Variants in AHNAK2 observed in about 807,000 individuals in gnomAD.
The protein encoded by AHNAK2 is AHNAK nucleoprotein 2.
AHNAK2 carries 18 observed loss-of-function variants against 30.7 expected under a neutral mutation model. The ratio of observed to expected loss-of-function variants is 0.59; its 90% CI spans 0.41 to 0.87. The LOEUF is 0.87. Ranked by LOEUF, AHNAK2 falls within the 40% of genes least tolerant of loss-of-function variation. AHNAK2 has a pLI of 0.00. For synonymous variants in AHNAK2, 3,590 were observed against 3,073.8 expected (o/e 1.17, Z -5.56); for missense variants, 8,604 against 7,373.0 (o/e 1.17, Z -6.11).
In AHNAK2 at chr14:104,948,956, C is replaced by A. The variant is rs57414669; in HGVS notation, c.6495G>T (p.Val2165=). 1.7e-5 allele frequency: 21 copies of A among 1,238,602 alleles called. 1 individual carries two copies. The highest frequency in any genetic ancestry group is 1.3e-4 in the African/African-American group (9 of 68,526). 76.7% of individuals were successfully genotyped at this position (1,238,602 alleles called of 1,614,324 possible). Residue 2165 remains valine (V), a synonymous_variant, in exon 7 of 7, where the codon GTG becomes GTT. Transcript: ENST00000333244. ...MPKFKMPSFG[V]SAPGKSIEAS... ...CCTCGATGGACTTGCCTGGGGCAGA[C>A]ACCCCAAACGACGGCATCTTGAACT...
chr14:104,957,615 G>A lies in AHNAK2; in HGVS notation c.113C>T (p.Ser38Phe). The change falls in exon 2 of 7, where the codon TCT (serine) becomes TTT (phenylalanine). Residue 38 changes from serine to phenylalanine, a missense_variant and splice_region_variant. Ser to Phe is a radical substitution (Grantham distance 155). Transcript: ENST00000333244. Reference sequence around the variant, plus strand: ...ACACTTCCTCCTGCTCTCACTTACAGAGTGGTCATCTTCCGTTTCTGCACC... The same window carrying A: ...ACACTTCCTCCTGCTCTCACTTACAAAGTGGTCATCTTCCGTTTCTGCACC... ...EPGAETEDDH[S>F]VTEGPADEGI... 3 of 1,610,946 alleles carry A rather than the reference G, an allele frequency of 1.9e-6. No homozygotes were observed. In the South Asian group the frequency reaches 3.3e-5, roughly 18 times the overall value.
chr14:104,950,247 G>C lies in AHNAK2; in HGVS notation c.5204C>G (p.Ala1735Gly), dbSNP rs1280340244. The change falls in exon 7 of 7, where the codon GCC becomes GGC. Residue 1735 changes from alanine (A) to glycine (G), a missense_variant. By Grantham distance (60) the Ala-to-Gly change is moderately conservative (BLOSUM62 0). Coordinates refer to ENST00000333244, the MANE Select transcript of AHNAK2 (RefSeq NM_138420.4). ...KLPEGPLPEG[A>G]GFKGHLPKVQ... is the part of the protein sequence containing the mutation. ...CTTGGGGAGGTGCCCTTTGAAGCCG[G>C]CTCCCTCGGGAAGGGGGCCCTCCGG... 1.3e-6 allele frequency: 2 copies of C among 1,585,720 alleles called. No individual in the cohort carries two copies. Among genetic ancestry groups the C allele is most frequent in the South Asian group, 1.1e-5 (1 of 89,792 alleles).
chr14:104,949,265 G>A lies in AHNAK2; in HGVS notation c.6186C>T (p.Pro2062=), dbSNP rs547642658. Reference sequence around the variant, plus strand: ...GGTGCCCTTTGAGGCCAGCTCCCTCGGGCACGTGGCCCTCCGGGAGCTTCA... The same window carrying A: ...GGTGCCCTTTGAGGCCAGCTCCCTCAGGCACGTGGCCCTCCGGGAGCTTCA... The part of the protein sequence containing the change: ...VDVKLPEGHV[P]EGAGLKGHLP... Residue 2062 remains proline (P), a synonymous_variant, in exon 7 of 7, where the codon CCC becomes CCT. Coordinates refer to ENST00000333244, the MANE Select transcript of AHNAK2 (RefSeq NM_138420.4). 1.1e-4 allele frequency: 115 copies of A among 1,066,180 alleles called. 45 individuals are homozygous for A. The highest frequency in any genetic ancestry group is 1.7e-4 in the Admixed American group (8 of 46,614). The allele number at this position is 1,066,180 out of a possible 1,614,324, so 66.0% of individuals were successfully genotyped here.
At chr14:104,957,375 C>G in intron 3 of AHNAK2, 35 bp downstream of exon 3, 1 of 1,540,392 alleles carries the variant, frequency 6.5e-7, no homozygotes. Context: ...AGGAGGAGAC[C>G]TGGGTGCCTG....
chr14:104,950,845 G>A lies in AHNAK2; in HGVS notation c.4606C>T (p.Leu1536Phe), dbSNP rs1898653463. The A allele has an allele frequency of 6.3e-7, 1 of 1,585,262 alleles. No homozygotes were observed. Among genetic ancestry groups the A allele is most frequent in the Non-Finnish European group, 8.6e-7 (1 of 1,161,226 alleles). Residue 1536 changes from leucine to phenylalanine, a missense_variant, in exon 7 of 7, where the codon CTC becomes TTC. Transcript: ENST00000333244. ...DVSLPSMQGD[L>F]KATDLSIQPP... Reference sequence around the variant, plus strand: ...TGTATGCTCAGGTCAGTGGCCTTGAGGTCCCCCTGCATGGAGGGGAGGCTC... The same window carrying A: ...TGTATGCTCAGGTCAGTGGCCTTGAAGTCCCCCTGCATGGAGGGGAGGCTC...
intron 1 of AHNAK2, among the ~76,000 whole-genome samples, chr14:104,958,217 G>T (rs1421810599): frequency 1.3e-5 from 2 of 152,194 alleles, no homozygotes; most frequent in African/African-American, 4.8e-5. Context: ...GGGAGGCTGA[G>T]GCGGGTGGAT....
rs748258992 is a variant in AHNAK2, at chr14:104,944,117, G to A, written c.11334C>T (p.Ala3778=). The A allele has an allele frequency of 6.2e-7, 1 of 1,612,694 alleles. No homozygotes were observed. Among genetic ancestry groups the A allele is most frequent in the African/African-American group, 1.3e-5 (1 of 74,564 alleles). The part of the protein sequence containing the change: ...SVEVDVQAPR[A]KLDSAQLEGD... ...CCTCCAGCTGTGCACTATCCAGTTT[G>A]GCTCTTGGGGCCTGGACGTCCACCT... The change falls in exon 7 of 7, where the codon GCC becomes GCT. Residue 3778 remains alanine, a synonymous_variant. Transcript: ENST00000333244.
chr14:104,941,953 G>A lies in AHNAK2; in HGVS notation c.13498C>T (p.Pro4500Ser), dbSNP rs769460950. ...APKMEADMSIPSMQGDLKTTD... is the reference protein window; with the variant it reads ...APKMEADMSISSMQGDLKTTD... ...GTCTTGAGGTCCCCCTGCATGGAGG[G>A]AATGCTCATGTCGGCCTCCATCTTT... The change falls in exon 7 of 7, where the codon CCC (proline) becomes TCC (serine). Residue 4500 changes from proline (P) to serine (S), a missense_variant. Coordinates refer to ENST00000333244, the MANE Select transcript of AHNAK2 (RefSeq NM_138420.4). The A allele has an allele frequency of 1.2e-5, 19 of 1,613,474 alleles. No individual in the cohort carries two copies. The African/African-American group carries it at 1.9e-4, about 16-fold the overall frequency.
chr14:104,939,348 A>G lies in AHNAK2; in HGVS notation c.16103T>C (p.Ile5368Thr). The G allele has an allele frequency of 6.2e-7, 1 of 1,613,664 alleles. No individual in the cohort carries two copies. The highest frequency in any genetic ancestry group is 8.5e-7 in the Non-Finnish European group (1 of 1,179,836). ...CAGTTGATCCACATTAACCACAGAAATCTGGGATGGCATATCAGTACTTGA... is the reference window on the plus strand; with the variant it reads ...CAGTTGATCCACATTAACCACAGAAGTCTGGGATGGCATATCAGTACTTGA... ...KASSTDMPSQ[I>T]SVVNVDQLWE... Residue 5368 changes from isoleucine (I) to threonine (T), a missense_variant, in exon 7 of 7, where the codon ATT becomes ACT. Ile to Thr is a moderately conservative substitution (Grantham distance 89). Transcript: ENST00000333244.
rs1286760828 is a variant in AHNAK2 at position 104,947,700 on chromosome 14, G to A, written c.7751C>T (p.Pro2584Leu). Residue 2584 changes from proline (P) to leucine (L), a missense_variant, in exon 7 of 7, where the codon CCC becomes CTC. Physicochemically the swap from Pro to Leu is moderately conservative, Grantham distance 98. Coordinates refer to ENST00000333244, the MANE Select transcript of AHNAK2 (RefSeq NM_138420.4). ...FKMPEMDLKGPQLDVKGPKLD... is the reference protein window; with the variant it reads ...FKMPEMDLKGLQLDVKGPKLD... ...CTTGGGGCCCTTGACATCTAGCTGG[G>A]GGCCCTTGAGGTCCATTTCAGGCAT... The A allele has an allele frequency of 3.7e-6, 6 of 1,612,688 alleles. No homozygotes were observed. Among genetic ancestry groups the A allele is most frequent in the African/African-American group, 1.3e-5 (1 of 74,450 alleles).
In AHNAK2 at chr14:104,950,572, C is replaced by G; in HGVS notation, c.4879G>C (p.Asp1627His). The change falls in exon 7 of 7, where the codon GAC becomes CAC. Residue 1627 changes from aspartate (D) to histidine (H), a missense_variant. Transcript: ENST00000333244. ...VKMSLSSMEV[D>H]VQAPRAKLDG... The stretch of plus-strand genomic sequence containing the variant: ...AGCTTTGCTCTCGGGGCCTGGACGT[C>G]CACCTCCATGCTGGACAGAGACATC... 2.5e-6 allele frequency: 4 copies of G among 1,587,184 alleles called. 1 individual carries two copies. Among genetic ancestry groups the G allele is most frequent in the South Asian group, 2.2e-5 (2 of 89,648 alleles).
chr14:104,956,550 G>A (rs1346160663), intron 4 of AHNAK2, 38 bp downstream of exon 4: 11 of 1,603,204 alleles, frequency 6.9e-6, no homozygotes, highest in African/African-American at 4.0e-5. Flanking sequence ...CTTGAGGACC[G>A]ACACACCTCT....
chr14:104,963,833 AAAAAAAAG>A (rs1197260789), intron 1 of AHNAK2, among the ~76,000 whole-genome samples: 50 of 151,456 alleles, frequency 3.3e-4, no homozygotes, highest in African/African-American at 1.1e-3. Flanking sequence ...CCGTCTAAAA[AAAAAAAAG>A]AAAAAAAAAA....
In AHNAK2 at chr14:104,938,829, T is replaced by C. The variant is rs754657674; in HGVS notation, c.16622A>G (p.His5541Arg). The C allele has an allele frequency of 5.6e-6, 9 of 1,613,658 alleles. No individual in the cohort carries two copies. The highest frequency in any genetic ancestry group is 7.6e-6 in the Non-Finnish European group (9 of 1,179,846). ...TTCTGTGCCCTCCTGAGTCCTAGAG[T>C]GTTGAGTCATTGTTGTGTACACTCT... ...QARVYTTMTQ[H>R]SRTQEGTEEA... The change falls in exon 7 of 7, where the codon CAC (histidine) becomes CGC (arginine). Residue 5541 changes from histidine (H) to arginine (R), a missense_variant. Physicochemically the swap from His to Arg is conservative, Grantham distance 29. Coordinates refer to ENST00000333244, the MANE Select transcript of AHNAK2 (RefSeq NM_138420.4).
Position 104,952,076 on chromosome 14 carries a change from A to C in AHNAK2, c.3375T>G (p.Ser1125=), listed in dbSNP as rs778891276. ...CGACGTCCACCTCCACGCTGGGCAG[A>C]GACACCTCCACATCAGGGGCTGTGA... ...AEVTAPDVEV[S]LPSVEVDVEA... is the part of the protein sequence containing the mutation. The change falls in exon 7 of 7, where the codon TCT becomes TCG. Residue 1125 remains serine, a synonymous_variant. Transcript: ENST00000333244. The C allele has an allele frequency of 1.2e-5, 20 of 1,612,470 alleles. No individual in the cohort carries two copies. The highest frequency in any genetic ancestry group is 1.6e-5 in the Non-Finnish European group (19 of 1,179,508).
rs146582718 is a variant in AHNAK2 at position 104,951,166 on chromosome 14, G to T, written c.4285C>A (p.Pro1429Thr). Reference protein sequence around the residue: ...FKVPKVDLKGPEIDIKGPKLD... With the variant: ...FKVPKVDLKGTEIDIKGPKLD... ...TTGGGGCCCTTGATGTCTATTTCAG[G>T]GCCCTTGAGGTCCACTTTGGGCACC... The change falls in exon 7 of 7, where the codon CCT becomes ACT. Residue 1429 changes from proline (P) to threonine (T), a missense_variant. Transcript: ENST00000333244. The T allele has an allele frequency of 0.017, 17,962 of 1,069,216 alleles. 4,601 individuals carry two copies. The African/African-American group carries it at 0.22, about 13-fold the overall frequency. 66.2% of individuals were successfully genotyped at this position (1,069,216 alleles called of 1,614,324 possible).
In AHNAK2 at chr14:104,951,596, G is replaced by A. The variant is rs749692046; in HGVS notation, c.3855C>T (p.His1285=). The A allele has an allele frequency of 1.3e-4, 156 of 1,244,808 alleles. 41 individuals carry two copies. The highest frequency in any genetic ancestry group is 1.2e-3 in the South Asian group (81 of 69,972). 77.1% of individuals were successfully genotyped at this position (1,244,808 alleles called of 1,614,324 possible). A position where few individuals can be genotyped will look rare whatever the true frequency, so the allele number is the denominator to read the frequency against. Reference sequence around the variant, plus strand: ...CACTGGGCAGAGACACAGCCACTTCGTGGGCCGTCACCTCTGCCTTATGAC... The same window carrying A: ...CACTGGGCAGAGACACAGCCACTTCATGGGCCGTCACCTCTGCCTTATGAC... ...LKGHKAEVTA[H]EVAVSLPSVE... Residue 1285 remains histidine (H), a synonymous_variant, in exon 7 of 7, where the codon CAC becomes CAT. Transcript: ENST00000333244.
chr14:104,953,369 C>T lies in AHNAK2; in HGVS notation c.2082G>A (p.Met694Ile), dbSNP rs200409534. The part of the protein sequence containing the change: ...LFGASAPGKS[M>I]EASVDVSAPK... ...GCGCAGACACATCCACCGAGGCCTC[C>T]ATGGACTTGCCTGGGGCTGACGCCC... The change falls in exon 7 of 7, where the codon ATG (methionine) becomes ATA (isoleucine). Residue 694 changes from methionine to isoleucine, a missense_variant. Coordinates refer to ENST00000333244, the MANE Select transcript of AHNAK2 (RefSeq NM_138420.4). The T allele has an allele frequency of 4.3e-6, 7 of 1,613,608 alleles. No individual in the cohort carries two copies. The Admixed American group carries it at 1.2e-4, about 27-fold the overall frequency.
Position 104,941,979 on chromosome 14 carries a change from G to C in AHNAK2, c.13472C>G (p.Pro4491Arg). The C allele has an allele frequency of 1.9e-6, 3 of 1,612,260 alleles. No homozygotes were observed. Among genetic ancestry groups the C allele is most frequent in the East Asian group, 2.2e-5 (1 of 44,726 alleles). The change falls in exon 7 of 7, where the codon CCA becomes CGA. Residue 4491 changes from proline to arginine, a missense_variant. Coordinates refer to ENST00000333244, the MANE Select transcript of AHNAK2 (RefSeq NM_138420.4). ...AATGCTCATGTCGGCCTCCATCTTT[G>C]GCGCAGACACATCCACCGAGACCTC... Reference protein sequence around the residue: ...SIEVSVDVSAPKMEADMSIPS... With the variant: ...SIEVSVDVSARKMEADMSIPS...
Sources: allele counts gnomAD v4.1 joint callset (sites outside exome capture counted in the v4.1 genomes callset), GRCh38; gene constraint gnomAD v4.1.1; transcripts MANE v1.5; gene names NCBI Gene and HGNC (gene_info 2026-07-23, HGNC 2026-07-21).